Variants in RBBP5 observed in about 807,000 individuals in gnomAD.
RBBP5 encodes the protein retinoblastoma-binding protein 5.
Under a neutral mutation model 72.2 loss-of-function variants are expected in RBBP5, and 5 were observed. The observed-to-expected ratio is 0.07, with a 90% CI of 0.04 to 0.15. RBBP5 has a LOEUF of 0.15. Ranked by LOEUF, RBBP5 falls within the 10% of genes least tolerant of loss-of-function variation. The pLI, the probability that RBBP5 is intolerant of heterozygous loss-of-function variation, is 1.00. For missense variants in RBBP5, 322 were observed against 652.2 expected (o/e 0.49, Z 5.51); for synonymous variants, 209 against 237.2 (o/e 0.88, Z 1.09).
intron 1 of RBBP5, among the ~76,000 whole-genome samples, chr1:205,118,768 T>A (rs977934478): frequency 1.3e-5 from 2 of 152,224 alleles, no homozygotes; most frequent in African/African-American, 4.8e-5. Context: ...TACTGTGATT[T>A]GTGGTAAAAA....
intron 3 of RBBP5, among the ~76,000 whole-genome samples, chr1:205,111,041 G>T (rs548309049): frequency 1.8e-4 from 27 of 152,274 alleles, no homozygotes; most frequent in Middle Eastern, 3.4e-3. Flanking sequence ...TCCAGCCTGG[G>T]TGACAGAGCA....
chr1:205,105,005 G>A (rs767557864), intron 4 of RBBP5, 23 bp downstream of exon 4: 40 of 1,611,352 alleles, frequency 2.5e-5, no homozygotes, highest in Non-Finnish European at 3.3e-5. Flanking sequence ...CCCCACCCCA[G>A]GAGAGAAATA....
At position 205,088,618 on chromosome 1, in the gene RBBP5, T is replaced by C. The variant is rs765245138; in HGVS notation, c.*169A>G. On this transcript the variant is annotated 3_prime_UTR_variant, in exon 14 of 14. Transcript: ENST00000264515. Reference sequence around the variant, plus strand: ...AAAGGGAAGGGAAGGTCGTATACTCTTCTTCCATAATTCACTTCTTCATTT... The same window carrying C: ...AAAGGGAAGGGAAGGTCGTATACTCCTCTTCCATAATTCACTTCTTCATTT... The C allele has an allele frequency of 6.8e-5, 44 of 642,892 alleles. No individual in the cohort carries two copies. The highest frequency in any genetic ancestry group is 1.0e-4 in the Non-Finnish European group (38 of 370,814). The allele number at this position is 642,892 out of a possible 1,614,324, so 39.8% of individuals were successfully genotyped here. A position where few individuals can be genotyped will look rare whatever the true frequency, so the allele number is the denominator to read the frequency against.
chr1:205,097,350 T>C lies in RBBP5; in HGVS notation c.1142A>G (p.Asp381Gly). Residue 381 changes from aspartate to glycine, a missense_variant, in exon 11 of 14, where the codon GAC becomes GGC. By Grantham distance (94) the Asp-to-Gly change is moderately conservative. Around this residue, in one of 6 missense-constraint regions of RBBP5, gnomAD observed 30 missense variants for 82.1 expected, o/e 0.37. Coordinates refer to ENST00000264515, the MANE Select transcript of RBBP5 (RefSeq NM_005057.4). The stretch of plus-strand genomic sequence containing the variant: ...CCTGCTACAGAAGGCAGCAATAGGG[T>C]CCACGCTGGTGACATCCACTTCCTC... ...EDEEVDVTSV[D>G]PIAAFCSSDE... 1 of 1,552,082 alleles carries C rather than the reference T, an allele frequency of 6.4e-7. No individual in the cohort carries two copies. The highest frequency in any genetic ancestry group is 8.7e-7 in the Non-Finnish European group (1 of 1,147,122).
chr1:205,101,735 A>G (rs1655830435), intron 5 of RBBP5, 26 bp from the exon 6 acceptor site: 2 of 1,506,798 alleles, frequency 1.3e-6, no homozygotes, highest in African/African-American at 1.4e-5. Context: ...GGGGGGAAAA[A>G]AGTAAGTGTT....
chr1:205,101,221 C>T lies in RBBP5; in HGVS notation c.632+379G>A, dbSNP rs377393531. Among the ~76,000 whole-genome samples the T allele has an allele frequency of 3.5e-4, 54 of 152,290 alleles. 1 individual carries two copies. The highest frequency in any genetic ancestry group is 1.3e-3 in the African/African-American group (53 of 41,566). ...TACGACTTCTAACTAGGTAACCAAA[C>T]CTACCAGAATAACATCCAAAATTAA... On this transcript the variant is annotated intron_variant, in intron 6 of 13. Coordinates refer to ENST00000264515, the MANE Select transcript of RBBP5 (RefSeq NM_005057.4).
rs116778575 is a variant in RBBP5 at position 205,120,300 on chromosome 1, T to A, written c.19+1555A>T. 9.5e-3 allele frequency among the ~76,000 whole-genome samples: 1,445 copies of A among 152,184 alleles called. 19 individuals are homozygous for A. Among genetic ancestry groups the A allele is most frequent in the African/African-American group, 0.033 (1,358 of 41,500 alleles). On this transcript the variant is annotated intron_variant, in intron 1 of 13. Coordinates refer to ENST00000264515, the MANE Select transcript of RBBP5 (RefSeq NM_005057.4). ...GAGTTACTAAGTCAAAATCCTTCAA[T>A]GGATCTACCCTACCTTCCCTAAAAA...
chr1:205,093,585 T>C (rs1574687600), intron 13 of RBBP5, among the ~76,000 whole-genome samples: 1 of 140,208 alleles, frequency 7.1e-6, no homozygotes, highest in Non-Finnish European at 1.5e-5. Context: ...TATATGTATA[T>C]ATACACAAAC....
chr1:205,105,190 T>TA lies in RBBP5; in HGVS notation c.219-23_219-22insT. On this transcript the variant is annotated intron_variant, in intron 3 of 13. Transcript: ENST00000264515. The stretch of plus-strand genomic sequence containing the variant: ...CCAGCTGAGGAAAAAAAAGGGGTAA[T>TA]TTAGCACATATTCTAAGTATATCAT... The TA allele has an allele frequency of 2.5e-6, 4 of 1,601,850 alleles. No individual in the cohort carries two copies. The South Asian group carries it at 4.4e-5, about 18-fold the overall frequency.
chr1:205,108,375 C>T (rs1656168332), intron 3 of RBBP5, among the ~76,000 whole-genome samples: 1 of 152,002 alleles, frequency 6.6e-6, no homozygotes, highest in Non-Finnish European at 1.5e-5. Context: ...CAAGAAAGGA[C>T]AAGGGGACAA....
intron 3 of RBBP5, among the ~76,000 whole-genome samples, chr1:205,112,532 T>G (rs990655062): frequency 6.6e-6 from 1 of 152,114 alleles, no homozygotes; most frequent in African/African-American, 2.4e-5. Context: ...TCTCATTTGT[T>G]TTTGTGTCCC....
intron 3 of RBBP5, among the ~76,000 whole-genome samples, chr1:205,111,296 G>A (rs1421347854): frequency 2.0e-5 from 3 of 152,162 alleles, no homozygotes; most frequent in African/African-American, 4.8e-5. Context: ...GTATCTGAAT[G>A]GCTACTGTAT....
chr1:205,112,173 C>T (rs575589219), intron 3 of RBBP5, among the ~76,000 whole-genome samples: 2 of 151,946 alleles, frequency 1.3e-5, no homozygotes, highest in Non-Finnish European at 2.9e-5. Context: ...CAAAAATCAG[C>T]CGGTCATGGT....
intron 13 of RBBP5, among the ~76,000 whole-genome samples, chr1:205,093,529 TATATACACAC>T (rs1655479077): frequency 6.7e-4 from 4 of 5,966 alleles, no homozygotes; most frequent in Admixed American, 2.8e-3. Context: ...TATATATATA[TATATACACAC>T]ACACACACAC....
intron 3 of RBBP5, among the ~76,000 whole-genome samples, chr1:205,114,509 C>G (rs1656446653): frequency 6.6e-6 from 1 of 152,066 alleles, no homozygotes; most frequent in South Asian, 2.1e-4. Context: ...AATGAAAAGT[C>G]AATATCACAA....
intron 1 of RBBP5, among the ~76,000 whole-genome samples, chr1:205,116,936 A>G (rs1656548634): frequency 6.6e-6 from 1 of 152,280 alleles, no homozygotes. Context: ...TTCCTGACTA[A>G]TAACAGCATT....
chr1:205,101,856 G>GTTTTGCTT, intron 5 of RBBP5, 147 bp from the exon 6 acceptor site: 1 of 462,542 alleles, frequency 2.2e-6, no homozygotes, highest in Non-Finnish European at 3.8e-6. Flanking sequence ...TGGTATTGCT[G>GTTTTGCTT]TTTTGCTTCC....
rs760631674 is a variant in RBBP5, at chr1:205,099,995, A to G, written c.822T>C (p.His274=). The change falls in exon 8 of 14, where the codon CAT becomes CAC. Residue 274 remains histidine, a synonymous_variant. Transcript: ENST00000264515. This position sits in a 1 kb window ranked among gnomAD's most constrained non-coding sequence, Gnocchi z 4.7. ...TGCTCTTCTCCCAGATGTACAGGGC[A>G]TGCTGCCGGGCAGAACCTGCCACGA... ...EYIVAGSARQ[H]ALYIWEKSIG... 2 of 1,614,236 alleles carry G rather than the reference A, an allele frequency of 1.2e-6. No homozygotes were observed. Among genetic ancestry groups the G allele is most frequent in the African/African-American group, 1.3e-5 (1 of 75,070 alleles).
chr1:205,097,616 G>A (rs2102274801), intron 10 of RBBP5, among the ~76,000 whole-genome samples: 1 of 152,336 alleles, frequency 6.6e-6, no homozygotes, highest in Middle Eastern at 3.4e-3. Context: ...CAGCTCTTCA[G>A]TAAAAGGTTT....
Sources: allele counts gnomAD v4.1 joint callset (sites outside exome capture counted in the v4.1 genomes callset), GRCh38; gene constraint gnomAD v4.1.1; regional missense constraint gnomAD v4.1.1; non-coding constraint Gnocchi (gnomAD v3.1); transcripts MANE v1.5; gene names NCBI Gene and HGNC (gene_info 2026-07-23, HGNC 2026-07-21).